ZFHX3: variants seen among roughly 807,000 people sequenced by gnomAD.
ZFHX3 encodes zinc finger homeobox 3.
A neutral mutation model predicts 279.1 loss-of-function variants in ZFHX3; 42 were observed. That is an observed-to-expected ratio of 0.15 (90% CI 0.12 to 0.19). The LOEUF is 0.19. ZFHX3 is among the 10% of genes least tolerant of loss of function. The probability of loss-of-function intolerance (pLI) is 1.00; values close to 1 mark genes in which losing one functional copy is unlikely to be tolerated. For synonymous variants in ZFHX3, 2,293 were observed against 1,957.8 expected (o/e 1.17, Z -4.52); for missense variants, 4,981 against 4,754.0 (o/e 1.05, Z -1.40).
At chr16:72,815,809 T>G (rs546617677) in intron 5 of ZFHX3, among the ~76,000 whole-genome samples, 1 of 152,304 alleles carries the variant, frequency 6.6e-6, no homozygotes, top group African/African-American at 2.4e-5. Context: ...TCTGGAACCT[T>G]TGGTTTACAT....
chr16:73,523,433 T>C (rs114385106), intron 2 of ZFHX3, among the ~76,000 whole-genome samples: 11,465 of 152,106 alleles, frequency 0.075, 509 homozygotes, highest in African/African-American at 0.12. Flanking sequence ...GCGGGGTTGG[T>C]GCTGTCTTCC....
chr16:72,930,436 G>A (rs1959724938), intron 3 of ZFHX3, among the ~76,000 whole-genome samples: 2 of 151,958 alleles, frequency 1.3e-5, no homozygotes, highest in Admixed American at 6.6e-5. Context: ...AAGAGGACGG[G>A]CGATAAGGAG....
intron 2 of ZFHX3, among the ~76,000 whole-genome samples, chr16:73,494,069 G>C (rs1280096277): frequency 6.6e-6 from 1 of 152,060 alleles, no homozygotes; most frequent in African/African-American, 2.4e-5. Flanking sequence ...CTCCCTCAGG[G>C]CCTCTTGAAG....
At chr16:72,880,385 G>A (rs1399317764) in intron 4 of ZFHX3, among the ~76,000 whole-genome samples, 7 of 152,098 alleles carry the variant, frequency 4.6e-5, no homozygotes, top group Non-Finnish European at 4.4e-5. Flanking sequence ...TTAGGTTAAC[G>A]TGAGGCCTTT....
rs1202881148 is a variant in ZFHX3, at chr16:73,473,314, G to A, written c.-1546-17056C>T. Among the ~76,000 whole-genome samples, 4 of 135,742 alleles carry A rather than the reference G, an allele frequency of 2.9e-5. No homozygotes were observed. In the East Asian group the frequency reaches 8.3e-4, roughly 28 times the overall value. The allele number at this position is 135,742 out of a possible 152,430, so 89.1% of individuals were successfully genotyped here. A position where few individuals can be genotyped will look rare whatever the true frequency, so the allele number is the denominator to read the frequency against. ...ATTGTGTCATGGCACTCCAGCCCTG[G>A]AGACAGAGCGAGACTGTCTCAAAGC... On this transcript the variant is annotated intron_variant, in intron 2 of 17. Transcript: ENST00000641206.
chr16:72,877,959 C>A (rs9935518), intron 4 of ZFHX3, among the ~76,000 whole-genome samples: 7,562 of 152,226 alleles, frequency 0.05, 644 homozygotes, highest in African/African-American at 0.17. Flanking sequence ...CTTTGGGAGG[C>A]TGAGGCAGGA....
intron 4 of ZFHX3, among the ~76,000 whole-genome samples, chr16:73,266,908 T>A (rs1471527721): frequency 6.6e-6 from 1 of 152,248 alleles, no homozygotes; most frequent in Non-Finnish European, 1.5e-5. Flanking sequence ...TTATAAATTA[T>A]CCAGTTTTGC....
At chr16:72,854,577 T>G (rs1476781039) in intron 4 of ZFHX3, among the ~76,000 whole-genome samples, 1 of 151,994 alleles carries the variant, frequency 6.6e-6, no homozygotes, top group Non-Finnish European at 1.5e-5. Context: ...CCTGGACAAA[T>G]GAGAGCAAAA....
At chr16:73,813,013 T>C (rs1364420385) in intron 1 of ZFHX3, among the ~76,000 whole-genome samples, 1 of 152,254 alleles carries the variant, frequency 6.6e-6, no homozygotes, top group African/African-American at 2.4e-5. Context: ...TTACTCCTAC[T>C]GTGAAAACTC....
chr16:73,106,171 T>C (rs1966301848), intron 7 of ZFHX3, among the ~76,000 whole-genome samples: 1 of 152,082 alleles, frequency 6.6e-6, no homozygotes, highest in African/African-American at 2.4e-5. Flanking sequence ...CCCATTTTGC[T>C]CAATTAGAGC....
intron 3 of ZFHX3, among the ~76,000 whole-genome samples, chr16:73,325,261 T>C (rs1254694837): frequency 1.3e-5 from 2 of 152,270 alleles, no homozygotes; most frequent in East Asian, 1.9e-4. Flanking sequence ...GTTTAACTAA[T>C]ATTTATGGGG....
At chr16:72,902,068 TC>T (rs1258389406) in intron 3 of ZFHX3, among the ~76,000 whole-genome samples, 18 of 152,356 alleles carry the variant, frequency 1.2e-4, no homozygotes, top group African/African-American at 4.3e-4. Context: ...TTATTGAATT[TC>T]CTTTTTATAA....
intron 1 of ZFHX3, among the ~76,000 whole-genome samples, chr16:73,756,824 T>C (rs952185390): frequency 6.6e-6 from 1 of 151,470 alleles, no homozygotes; most frequent in Non-Finnish European, 1.5e-5. Context: ...ATGATCTTGG[T>C]GCCTTTTCTT....
At chr16:73,832,345 G>A (rs548443605) in intron 1 of ZFHX3, among the ~76,000 whole-genome samples, 28 of 151,998 alleles carry the variant, frequency 1.8e-4, no homozygotes, top group African/African-American at 6.8e-4. Context: ...GGGGCTGCTT[G>A]GACATAAGCC....
intron 1 of ZFHX3, among the ~76,000 whole-genome samples, chr16:73,878,290 A>T (rs1252340630): frequency 6.6e-6 from 1 of 152,194 alleles, no homozygotes; most frequent in African/African-American, 2.4e-5. Flanking sequence ...TTCATCCCAC[A>T]GGTAATATAC....
chr16:73,856,341 A>T (rs1961726619), intron 1 of ZFHX3, among the ~76,000 whole-genome samples: 1 of 152,170 alleles, frequency 6.6e-6, no homozygotes, highest in African/African-American at 2.4e-5. Context: ...AAATTGCCTC[A>T]TTTCTGAAAA....
rs142187516 is a variant in ZFHX3, at chr16:73,338,934, G to T, written c.-1290-20598C>A. Among the ~76,000 whole-genome samples the T allele has an allele frequency of 7.9e-5, 12 of 152,170 alleles. No individual in the cohort carries two copies. In the East Asian group the frequency reaches 2.1e-3, roughly 27 times the overall value. Reference sequence around the variant, plus strand: ...AAAAATGTGTGGCACCTACCCCCTTGCTCTCTTCCTCCTGCCTTCGCCACG... The same window carrying T: ...AAAAATGTGTGGCACCTACCCCCTTTCTCTCTTCCTCCTGCCTTCGCCACG... On this transcript the variant is annotated intron_variant, in intron 3 of 17. Coordinates refer to the ZFHX3 transcript ENST00000641206.
rs143905670 is a variant in ZFHX3, at chr16:73,235,742, G to C, written c.-1104+21305C>G. The stretch of plus-strand genomic sequence containing the variant: ...TGCTGGAGTGCAGTGGTGCAATCAT[G>C]GCTCACTGCAGCCTTGACCTCCTGG... On this transcript the variant is annotated intron_variant, in intron 5 of 17. Transcript: ENST00000641206. Among the ~76,000 whole-genome samples the C allele has an allele frequency of 1.1e-4, 17 of 152,032 alleles. No homozygotes were observed. In the East Asian group the frequency reaches 3.3e-3, roughly 30 times the overall value.
intron 1 of ZFHX3, among the ~76,000 whole-genome samples, chr16:73,030,040 C>A (rs1017180074): frequency 6.6e-6 from 1 of 152,146 alleles, no homozygotes; most frequent in African/African-American, 2.4e-5. Flanking sequence ...ATACTAATAA[C>A]CCAACATCTA....
Sources: gnomAD v4.1 joint callset for allele counts (sites outside exome capture counted in the v4.1 genomes callset) on GRCh38, gnomAD v4.1.1 for gene constraint, MANE v1.5 for transcripts, NCBI Gene and HGNC (gene_info 2026-07-23, HGNC 2026-07-21) for gene names.